Variants in PCSK2 observed in about 807,000 individuals in gnomAD.
PCSK2 encodes the protein neuroendocrine convertase 2.
A neutral mutation model predicts 69.7 loss-of-function variants in PCSK2; 14 were observed. That is an observed-to-expected ratio of 0.20 (90% confidence interval 0.13 to 0.31). The LOEUF is 0.31. PCSK2 is among the 10% of genes least tolerant of loss of function. The pLI, the probability that PCSK2 is intolerant of heterozygous loss-of-function variation, is 1.00. For missense variants in PCSK2, 544 were observed against 842.5 expected (o/e 0.65, Z 4.39); for synonymous variants, 307 against 320.7 (o/e 0.96, Z 0.46).
intron 5 of PCSK2, among the ~76,000 whole-genome samples, chr20:17,403,017 C>A (rs572164861): frequency 6.6e-6 from 1 of 152,178 alleles, no homozygotes; most frequent in Admixed American, 6.5e-5. Flanking sequence ...ACCCAGGACA[C>A]AACTGTGTGG....
chr20:17,316,740 A>T (rs1989701254), intron 2 of PCSK2, among the ~76,000 whole-genome samples: 1 of 152,228 alleles, frequency 6.6e-6, no homozygotes, highest in Non-Finnish European at 1.5e-5. Context: ...TGTTTCTGAT[A>T]CTGTGATGTG....
chr20:17,235,297 C>T (rs1986297959), intron 1 of PCSK2, among the ~76,000 whole-genome samples: 2 of 152,056 alleles, frequency 1.3e-5, no homozygotes, highest in East Asian at 1.9e-4. Context: ...ACTGTTACAG[C>T]GTATTGGCAG....
Position 17,358,370 on chromosome 20 carries a change from G to A in PCSK2, c.326G>A (p.Arg109Gln), listed in dbSNP as rs2030279793. 1 of 1,613,406 alleles carries A rather than the reference G, an allele frequency of 6.2e-7. No homozygotes were observed. The highest frequency in any genetic ancestry group is 8.5e-7 in the Non-Finnish European group (1 of 1,179,354). ...CAGGAAGGATTTGACCGAAAAAAGCGAGGTTACAGAGACATCAATGAGATC... is the reference window on the plus strand; with the variant it reads ...CAGGAAGGATTTGACCGAAAAAAGCAAGGTTACAGAGACATCAATGAGATC... Reference protein sequence around the residue: ...LQQEGFDRKKRGYRDINEIDI... With the variant: ...LQQEGFDRKKQGYRDINEIDI... Residue 109 changes from arginine (R) to glutamine (Q), a missense_variant, in exon 3 of 12, where the codon CGA becomes CAA. This residue lies in a region of PCSK2 where 157 missense variants were observed against 155.0 expected (regional missense o/e 1.01). Transcript: ENST00000262545.
chr20:17,348,045 A>AG (rs1294650748), intron 2 of PCSK2, among the ~76,000 whole-genome samples: 2,027 of 78,988 alleles, frequency 0.026, 90 homozygotes, highest in Non-Finnish European at 0.032. Flanking sequence ...AAAGAAAGAA[A>AG]GAAAGGAAAG....
At chr20:17,311,403 A>G (rs1022796316) in intron 2 of PCSK2, among the ~76,000 whole-genome samples, 1 of 152,156 alleles carries the variant, frequency 6.6e-6, no homozygotes, top group African/African-American at 2.4e-5. Flanking sequence ...TTAGGCACCT[A>G]TAACCTGATT....
At chr20:17,480,179 C>CTTTTTTT (rs1600614588) in intron 11 of PCSK2, among the ~76,000 whole-genome samples, 1 of 124,170 alleles carries the variant, frequency 8.1e-6, no homozygotes, top group Non-Finnish European at 1.7e-5. Context: ...CCATTTTCAG[C>CTTTTTTT]TTTTCTTTTT....
At chr20:17,398,240 G>A (rs969210020) in intron 5 of PCSK2, among the ~76,000 whole-genome samples, 1 of 152,108 alleles carries the variant, frequency 6.6e-6, no homozygotes, top group Non-Finnish European at 1.5e-5. Flanking sequence ...AAGAATCAGT[G>A]TGGGCTGGAT....
rs144447689 is a variant in PCSK2 at position 17,232,878 on chromosome 20, G to T, written c.177+5396G>T. Among the ~76,000 whole-genome samples the T allele has an allele frequency of 3.1e-3, 478 of 152,236 alleles. 3 individuals carry two copies. Among genetic ancestry groups the T allele is most frequent in the African/African-American group, 0.011 (455 of 41,546 alleles). ...AAGACTTTAAGGGACAGTTCTTCTG[G>T]AACTAAAAGATTTTCCACAGTAGCT... On this transcript the variant is annotated intron_variant, in intron 1 of 11. Transcript: ENST00000262545.
chr20:17,301,951 TA>T (rs1436140172), intron 2 of PCSK2, among the ~76,000 whole-genome samples: 6 of 151,972 alleles, frequency 3.9e-5, no homozygotes, highest in Non-Finnish European at 7.4e-5. Flanking sequence ...TATATTATTA[TA>T]TTTTTTTCTC....
chr20:17,328,355 A>G (rs1002900173), intron 2 of PCSK2, among the ~76,000 whole-genome samples: 2 of 149,320 alleles, frequency 1.3e-5, no homozygotes, highest in Non-Finnish European at 3.0e-5. Flanking sequence ...TACCATATGC[A>G]ATATATAAAT....
At chr20:17,348,091 G>GAA (rs1568612772) in intron 2 of PCSK2, among the ~76,000 whole-genome samples, 18 of 122,654 alleles carry the variant, frequency 1.5e-4, no homozygotes, top group Non-Finnish European at 7.5e-5. Flanking sequence ...AAGAAAGAAA[G>GAA]AAAGAAAGAA....
At chr20:17,450,407 A>G (rs2032800900) in intron 8 of PCSK2, among the ~76,000 whole-genome samples, 1 of 152,160 alleles carries the variant, frequency 6.6e-6, no homozygotes, top group African/African-American at 2.4e-5. Flanking sequence ...GAATAGGATA[A>G]TATGTGAAGT....
At chr20:17,256,143 A>C (rs1384169964) in intron 1 of PCSK2, among the ~76,000 whole-genome samples, 6 of 152,170 alleles carry the variant, frequency 3.9e-5, no homozygotes, top group Non-Finnish European at 8.8e-5. Flanking sequence ...ACTGCTATTG[A>C]GGCTCTCTGA....
intron 5 of PCSK2, among the ~76,000 whole-genome samples, chr20:17,395,237 A>G (rs2195109): frequency 0.94 from 143,489 of 152,258 alleles, 67,709 homozygotes; most frequent in African/African-American, 0.99. Flanking sequence ...CGAGAAGATT[A>G]CTTACAAATT....
At chr20:17,409,123 CA>C in intron 5 of PCSK2, 139 bp from the exon 6 acceptor site, 1 of 657,760 alleles carries the variant, frequency 1.5e-6, no homozygotes, top group Non-Finnish European at 2.7e-6. Context: ...GGCTCCAACA[CA>C]ATTTTGTGAG....
chr20:17,226,532 AAAGAG>A, upstream of PCSK2, among the ~76,000 whole-genome samples: 1 of 117,428 alleles, frequency 8.5e-6, no homozygotes, highest in Non-Finnish European at 1.7e-5. Flanking sequence ...AGAGAGAGAG[AAAGAG>A]AGAGAGAGAG....
intron 11 of PCSK2, among the ~76,000 whole-genome samples, chr20:17,469,198 A>G (rs775151885): frequency 6.6e-6 from 1 of 152,228 alleles, no homozygotes; most frequent in African/African-American, 2.4e-5. Context: ...TCTGAGCTCT[A>G]AACAAGTTGA....
At chr20:17,284,428 A>G (rs1988441653) in intron 2 of PCSK2, among the ~76,000 whole-genome samples, 2 of 152,224 alleles carry the variant, frequency 1.3e-5, no homozygotes, top group Non-Finnish European at 2.9e-5. Flanking sequence ...TCTACTTTGC[A>G]GGAGTTATCT....
intron 2 of PCSK2, among the ~76,000 whole-genome samples, chr20:17,287,883 G>T (rs1486900204): frequency 6.6e-6 from 1 of 152,188 alleles, no homozygotes; most frequent in Non-Finnish European, 1.5e-5. Context: ...CTTTACTCTG[G>T]TGGCCTCGTT....
Sources: allele counts gnomAD v4.1 joint callset (sites outside exome capture counted in the v4.1 genomes callset), GRCh38; gene constraint gnomAD v4.1.1; regional missense constraint gnomAD v4.1.1; transcripts MANE v1.5; gene names NCBI Gene and HGNC (gene_info 2026-07-23, HGNC 2026-07-21).